POLR3A: variants seen among roughly 807,000 people sequenced by gnomAD.
The protein encoded by POLR3A is RNA polymerase III subunit A.
A neutral mutation model predicts 152.8 loss-of-function variants in POLR3A; 112 were observed. That is an observed-to-expected ratio of 0.73 (90% CI 0.63 to 0.86). The LOEUF is 0.86. POLR3A is among the 40% of genes least tolerant of loss of function. The probability of loss-of-function intolerance (pLI) is 0.00; values close to 1 mark genes in which losing one functional copy is unlikely to be tolerated. For missense variants in POLR3A, 1,385 were observed against 1,743.1 expected, an observed-to-expected ratio of 0.79 and a Z score of 3.66; for synonymous variants, 615 against 652.1, an observed-to-expected ratio of 0.94 and a Z score of 0.87.
At chr10:78,004,036 C>T (rs573916269) in intron 16 of POLR3A, among the ~76,000 whole-genome samples, 3 of 118,614 alleles carry the variant, frequency 2.5e-5, no homozygotes, top group East Asian at 3.3e-4. Flanking sequence ...GAGATCGAGA[C>T]CGTGCTGGCC....
chr10:78,003,880 G>A (rs1342456511), intron 16 of POLR3A, among the ~76,000 whole-genome samples: 1 of 152,098 alleles, frequency 6.6e-6, no homozygotes, highest in African/African-American at 2.4e-5. Context: ...AGTGAGATGA[G>A]ATTGCACCAC....
intron 15 of POLR3A, among the ~76,000 whole-genome samples, chr10:78,006,254 G>A (rs10824588): frequency 0.085 from 12,885 of 151,726 alleles, 1,749 homozygotes; most frequent in African/African-American, 0.29. Flanking sequence ...AAAATTAGCC[G>A]GGCATGGTGG....
chr10:78,010,558 GCAGT>G lies in POLR3A; in HGVS notation c.1573-22_1573-19del, dbSNP rs749646467. 3.4e-5 allele frequency: 55 copies of G among 1,601,070 alleles called. No homozygotes were observed. The highest frequency in any genetic ancestry group is 4.7e-5 in the Non-Finnish European group (55 of 1,168,172). On this transcript the variant is annotated intron_variant, in intron 11 of 30. Transcript: ENST00000372371. ...GCTTTAGTCTGTAGGAAAAGTAAGC[GCAGT>G]CAGTTAGCTGTTCTCGGATGCATGA...
At chr10:78,024,039 C>CACCT (rs34365431) in intron 5 of POLR3A, among the ~76,000 whole-genome samples, 1 of 151,340 alleles carries the variant, frequency 6.6e-6, no homozygotes, top group African/African-American at 2.4e-5. Context: ...GCCTTAGTGC[C>CACCT]AGATAAACAC....
chr10:78,005,919 T>C (rs966343549), intron 15 of POLR3A, among the ~76,000 whole-genome samples: 2 of 152,104 alleles, frequency 1.3e-5, no homozygotes, highest in Admixed American at 6.5e-5. Context: ...CAGTCCTTAC[T>C]CCTCAAGGAC....
At chr10:78,012,831 C>T (rs1847479606) in intron 11 of POLR3A, among the ~76,000 whole-genome samples, 1 of 152,272 alleles carries the variant, frequency 6.6e-6, no homozygotes, top group Non-Finnish European at 1.5e-5. Context: ...AAGCAATCCT[C>T]CCATTTCAGC....
intron 14 of POLR3A, among the ~76,000 whole-genome samples, chr10:78,009,026 G>A (rs371612248): frequency 3.3e-5 from 5 of 151,540 alleles, no homozygotes; most frequent in Non-Finnish European, 5.9e-5. Flanking sequence ...GGTGGTGGGC[G>A]CCTGTAATCC....
chr10:78,009,396 C>T, intron 14 of POLR3A, 141 bp downstream of exon 14: 1 of 1,102,362 alleles, frequency 9.1e-7, no homozygotes. Context: ...GCTACATTTT[C>T]CTGAAGAAAA....
At chr10:77,986,461 C>A (rs994394974) in intron 21 of POLR3A, among the ~76,000 whole-genome samples, 1 of 152,164 alleles carries the variant, frequency 6.6e-6, no homozygotes, top group Admixed American at 6.5e-5. Flanking sequence ...AGCCTTTGTT[C>A]TTGCTCTCCC....
At chr10:78,003,025 A>C (rs1282964132) in intron 16 of POLR3A, among the ~76,000 whole-genome samples, 1 of 152,200 alleles carries the variant, frequency 6.6e-6, no homozygotes, top group Admixed American at 6.5e-5. Flanking sequence ...TTGTCTTTCT[A>C]CTTTTTCTTG....
chr10:78,017,461 GT>G, intron 10 of POLR3A, 113 bp downstream of exon 10: 3 of 1,039,248 alleles, frequency 2.9e-6, no homozygotes, highest in Non-Finnish European at 4.3e-6. Flanking sequence ...AAAAAAAAAA[GT>G]TATGAAAACT....
rs146121167 is a variant in POLR3A at position 77,985,997 on chromosome 10, CA to C, written c.2989-13del. 1 of 1,613,706 alleles carries C rather than the reference CA, an allele frequency of 6.2e-7. No homozygotes were observed. Among genetic ancestry groups the C allele is most frequent in the East Asian group, 2.2e-5 (1 of 44,870 alleles). ...TACAGCACACGGGGCTGGGAGAATA[CA>C]AGCCAAGCACAGAGTTAGGGCCAGC... On this transcript the variant is annotated splice_polypyrimidine_tract_variant and intron_variant, in intron 22 of 30. Coordinates refer to ENST00000372371, the MANE Select transcript of POLR3A (RefSeq NM_007055.4).
intron 10 of POLR3A, among the ~76,000 whole-genome samples, chr10:78,016,814 G>A (rs1847529032): frequency 6.8e-6 from 1 of 146,742 alleles, no homozygotes; most frequent in South Asian, 2.2e-4. Context: ...GGTCAAAGCT[G>A]CAATGAGCCA....
intron 25 of POLR3A, 77 bp downstream of exon 25, chr10:77,984,128 G>A (rs1170112980): frequency 1.6e-6 from 2 of 1,239,400 alleles, no homozygotes; most frequent in African/African-American, 3.0e-5. Context: ...CTGGTCAATA[G>A]ATGGCAGCTG....
intron 5 of POLR3A, among the ~76,000 whole-genome samples, chr10:78,022,863 A>C (rs1056560577): frequency 1.3e-5 from 2 of 152,194 alleles, no homozygotes; most frequent in Non-Finnish European, 2.9e-5. Flanking sequence ...TCCATAAAAT[A>C]TTGGTAGCTG....
intron 11 of POLR3A, 162 bp downstream of exon 11, chr10:78,013,488 C>A (rs1847486244): frequency 1.4e-6 from 1 of 707,386 alleles, no homozygotes; most frequent in African/African-American, 1.8e-5. Flanking sequence ...TCAAAAGAAA[C>A]CAATAAAAAG....
chr10:77,981,400 G>A (rs751940427), intron 29 of POLR3A, 28 bp downstream of exon 29: 5 of 1,612,590 alleles, frequency 3.1e-6, no homozygotes, highest in Admixed American at 1.7e-5. Flanking sequence ...GGATGCCCAG[G>A]CAGCCCGGGG....
intron 1 of POLR3A, among the ~76,000 whole-genome samples, chr10:78,027,564 T>TC (rs993664637): frequency 6.6e-6 from 1 of 151,506 alleles, no homozygotes; most frequent in African/African-American, 2.4e-5. Flanking sequence ...TTTTTTTTTT[T>TC]CCCTGAGACA....
rs1383600056 is a variant in POLR3A at position 77,976,878 on chromosome 10, A to G, written c.*600T>C. 4 of 154,182 alleles carry G rather than the reference A, an allele frequency of 2.6e-5. No homozygotes were observed. Among genetic ancestry groups the G allele is most frequent in the African/African-American group, 7.2e-5 (3 of 41,468 alleles). 9.6% of individuals were successfully genotyped at this position (154,182 alleles called of 1,614,324 possible). On this transcript the variant is annotated 3_prime_UTR_variant, in exon 31 of 31. Coordinates refer to ENST00000372371, the MANE Select transcript of POLR3A (RefSeq NM_007055.4). ...CCAGACGGCTCTATTTGCTTAAACC[A>G]GTTTTTCCAGTGACGCTTACATGCT...
Sources: gnomAD v4.1 joint callset for allele counts (sites outside exome capture counted in the v4.1 genomes callset) on GRCh38, gnomAD v4.1.1 for gene constraint, MANE v1.5 for transcripts, NCBI Gene and HGNC (gene_info 2026-07-23, HGNC 2026-07-21) for gene names.